Variants in NOC2L observed in about 807,000 individuals in gnomAD.
NOC2L encodes the protein nucleolar complex protein 2 homolog.
Under a neutral mutation model 94.2 loss-of-function variants are expected in NOC2L, and 101 were observed. The observed-to-expected ratio is 1.07, with a 90% CI of 0.91 to 1.26. The LOEUF (loss-of-function observed/expected upper bound fraction) is 1.26, where lower values mean the gene tolerates loss of function less well. Ranked by LOEUF, NOC2L falls within the 50% of genes most tolerant of loss-of-function variation. The pLI is 0.00. For missense variants in NOC2L, 1,076 were observed against 980.1 expected (o/e 1.10, Z -1.31); for synonymous variants, 531 against 413.4 (o/e 1.28, Z -3.45).
intron 4 of NOC2L, among the ~76,000 whole-genome samples, chr1:956,486 C>G (rs1557622814): frequency 6.6e-6 from 1 of 152,138 alleles, no homozygotes; most frequent in Admixed American, 6.5e-5. Flanking sequence ...GTATCTGGAG[C>G]TCTCCGTATC....
At chr1:958,877 C>T (rs780755012) in intron 2 of NOC2L, 52 bp downstream of exon 2, 2 of 1,607,170 alleles carry the variant, frequency 1.2e-6, no homozygotes, top group East Asian at 2.2e-5. Flanking sequence ...GCAACCCAAC[C>T]GGGGTGGGAC....
intron 11 of NOC2L, among the ~76,000 whole-genome samples, 183 bp from the exon 12 acceptor site, chr1:951,421 G>C (rs1301620738): frequency 6.8e-6 from 1 of 147,974 alleles, no homozygotes; most frequent in East Asian, 1.9e-4. Flanking sequence ...ACCTTACCCA[G>C]CTTTCAGCTT....
At chr1:946,701 G>A in intron 14 of NOC2L, 156 bp from the exon 15 acceptor site, 5 of 871,868 alleles carry the variant, frequency 5.7e-6, no homozygotes, top group Non-Finnish European at 8.6e-6. Context: ...TGTTGCAGCT[G>A]GGATGGCAGA....
chr1:947,368 C>T (rs929731988), intron 14 of NOC2L, among the ~76,000 whole-genome samples: 1 of 152,188 alleles, frequency 6.6e-6, no homozygotes. Context: ...ACATGTGTGG[C>T]CGTGTGTGAG....
Position 956,964 on chromosome 1 carries a change from C to G in NOC2L, c.416G>C (p.Gly139Ala). 3.7e-6 allele frequency: 6 copies of G among 1,614,112 alleles called. No individual in the cohort carries two copies. Among genetic ancestry groups the G allele is most frequent in the Non-Finnish European group, 5.1e-6 (6 of 1,180,042 alleles). The change falls in exon 4 of 19, where the codon GGG (glycine) becomes GCG (alanine). Residue 139 changes from glycine (G) to alanine (A), a missense_variant. Coordinates refer to ENST00000327044, the MANE Select transcript of NOC2L (RefSeq NM_015658.4). Reference sequence around the variant, plus strand: ...AACAGAATTCTTCTTCCCCTTCAGCCCTCTGGGGACTCTGTCCCCATCTTC... The same window carrying G: ...AACAGAATTCTTCTTCCCCTTCAGCGCTCTGGGGACTCTGTCCCCATCTTC... ...EGEDGDRVPR[G>A]LKGKKNSVPV...
rs752851145 is a variant in NOC2L at position 957,297 on chromosome 1, C to G, written c.180-24G>C. The G allele has an allele frequency of 9.3e-6, 15 of 1,610,468 alleles. No homozygotes were observed. The East Asian group carries it at 3.3e-4, about 36-fold the overall frequency. On this transcript the variant is annotated intron_variant, in intron 2 of 18. Transcript: ENST00000327044. ...GGCTGAGGAGGCAGAAGTCAGCGAC[C>G]CCAGTGGGAAGTGGAAGTAGAGGGG...
chr1:948,537 CGGA>C lies in NOC2L; in HGVS notation c.1507_1509del (p.Ser503del). The C allele has an allele frequency of 6.2e-7, 1 of 1,613,680 alleles. No homozygotes were observed. On this transcript the variant is annotated inframe_deletion, in exon 13 of 19. Transcript: ENST00000327044. The stretch of plus-strand genomic sequence containing the variant: ...TTGACATTGGACAGCTTCAGGATCA[CGGA>C]GAAGTTGATGGGCTTGGAGCTCATG...
intron 14 of NOC2L, 147 bp downstream of exon 14, chr1:947,984 G>C: frequency 4.6e-6 from 3 of 658,384 alleles, no homozygotes; most frequent in South Asian, 1.8e-5. Flanking sequence ...CCCTCCAAGG[G>C]GGCCTCACGG....
chr1:953,347 G>A lies in NOC2L; in HGVS notation c.889-59C>T, dbSNP rs1642309702. ...AGCCTCCTCAGCAGGGATGCCCCAGGGCCAGCACAGCCCTCCCCAGCCAGG... is the reference window on the plus strand; with the variant it reads ...AGCCTCCTCAGCAGGGATGCCCCAGAGCCAGCACAGCCCTCCCCAGCCAGG... On this transcript the variant is annotated intron_variant, in intron 8 of 18. Coordinates refer to ENST00000327044, the MANE Select transcript of NOC2L (RefSeq NM_015658.4). 66 of 1,017,714 alleles carry A rather than the reference G, an allele frequency of 6.5e-5. 1 individual carries two copies. The South Asian group carries it at 8.4e-4, about 13-fold the overall frequency. 63.0% of individuals were successfully genotyped at this position (1,017,714 alleles called of 1,614,324 possible).
intron 11 of NOC2L, 30 bp from the exon 12 acceptor site, chr1:951,268 G>T: frequency 6.6e-7 from 1 of 1,507,160 alleles, no homozygotes; most frequent in Non-Finnish European, 9.0e-7. Flanking sequence ...GTGAGCAGAG[G>T]CCCCGGCTCT....
chr1:944,935 G>T, intron 18 of NOC2L, 122 bp downstream of exon 18: 1 of 1,505,942 alleles, frequency 6.6e-7, no homozygotes, highest in Non-Finnish European at 9.1e-7. Context: ...CAGAGCATTT[G>T]GCCTGGCCTT....
Position 954,000 on chromosome 1 carries a change from G to A in NOC2L, c.777+4C>T, listed in dbSNP as rs764547859. 1.2e-6 allele frequency: 2 copies of A among 1,605,158 alleles called. No homozygotes were observed. Among genetic ancestry groups the A allele is most frequent in the African/African-American group, 2.7e-5 (2 of 74,670 alleles). ...CCCCCGTGCCCTCCCCACCAGAATA[G>A]CACCTGTATGGCCGAGCCCAGGTAA... On this transcript the variant is annotated splice_donor_region_variant and intron_variant, in intron 7 of 18. Transcript: ENST00000327044.
chr1:946,944 C>G, intron 14 of NOC2L: 1 of 176,158 alleles, frequency 5.7e-6, no homozygotes, highest in Non-Finnish European at 1.2e-5. Flanking sequence ...GTAAACCCAG[C>G]TCCTTGGGAG....
intron 12 of NOC2L, among the ~76,000 whole-genome samples, chr1:950,279 A>T (rs1368002164): frequency 6.6e-6 from 1 of 152,004 alleles, no homozygotes; most frequent in Non-Finnish European, 1.5e-5. Context: ...ACACGTGTGT[A>T]TGCACATAGG....
At chr1:955,896 A>C in intron 6 of NOC2L, 27 bp downstream of exon 6, 5 of 1,285,650 alleles carry the variant, frequency 3.9e-6, no homozygotes, top group Non-Finnish European at 4.5e-6. Flanking sequence ...CTTCCACCCT[A>C]CCCCCCTTCA....
At chr1:958,736 G>T (rs1160226324) in intron 2 of NOC2L, 193 bp downstream of exon 2, 1 of 717,026 alleles carries the variant, frequency 1.4e-6, no homozygotes, top group South Asian at 1.5e-5. Context: ...TACGCTCCCT[G>T]CCTAGGACAG....
chr1:953,997 A>T lies in NOC2L; in HGVS notation c.777+7T>A. 1 of 1,605,764 alleles carries T rather than the reference A, an allele frequency of 6.2e-7. No homozygotes were observed. The highest frequency in any genetic ancestry group is 8.5e-7 in the Non-Finnish European group (1 of 1,175,004). On this transcript the variant is annotated splice_region_variant and intron_variant, in intron 7 of 18. Coordinates refer to ENST00000327044, the MANE Select transcript of NOC2L (RefSeq NM_015658.4). ...AGGCCCCCGTGCCCTCCCCACCAGA[A>T]TAGCACCTGTATGGCCGAGCCCAGG... is the stretch of plus-strand genomic sequence containing the variant.
Position 948,401 on chromosome 1 carries a change from G to A in NOC2L, c.1557+89C>T, listed in dbSNP as rs1460948289. 8.1e-6 allele frequency: 9 copies of A among 1,117,816 alleles called. No homozygotes were observed. The East Asian group carries it at 9.8e-5, about 12-fold the overall frequency. 69.2% of individuals were successfully genotyped at this position (1,117,816 alleles called of 1,614,324 possible). ...ACCATGAAGGTCCATGCTTGAACTTGGAGGATGCCAGCCCCCTCCCATCCA... is the reference window on the plus strand; with the variant it reads ...ACCATGAAGGTCCATGCTTGAACTTAGAGGATGCCAGCCCCCTCCCATCCA... On this transcript the variant is annotated intron_variant, in intron 13 of 18. Coordinates refer to ENST00000327044, the MANE Select transcript of NOC2L (RefSeq NM_015658.4).
chr1:952,324 G>A (rs192519078), intron 10 of NOC2L, 88 bp downstream of exon 10: 63 of 1,508,078 alleles, frequency 4.2e-5, no homozygotes, highest in Admixed American at 1.3e-4. Flanking sequence ...CAGGGGCTTC[G>A]GGGAGGCCCC....
Sources: gnomAD v4.1 joint callset for allele counts (sites outside exome capture counted in the v4.1 genomes callset) on GRCh38, gnomAD v4.1.1 for gene constraint, MANE v1.5 for transcripts, NCBI Gene and HGNC (gene_info 2026-07-23, HGNC 2026-07-21) for gene names.